Variants in MKI67 observed in about 807,000 individuals in gnomAD.
MKI67 encodes the protein marker of proliferation Ki-67.
Under a neutral mutation model 233.5 loss-of-function variants are expected in MKI67, and 152 were observed. The observed-to-expected ratio is 0.65, with a 90% CI of 0.57 to 0.74. The LOEUF (loss-of-function observed/expected upper bound fraction) is 0.74. Ranked by LOEUF, MKI67 falls within the 30% of genes least tolerant of loss-of-function variation. The pLI, the probability that MKI67 is intolerant of heterozygous loss-of-function variation, is 0.00. For synonymous variants in MKI67, 1,465 were observed against 1,418.5 expected (o/e 1.03, Z -0.74); for missense variants, 3,940 against 3,885.2 (o/e 1.01, Z -0.37).
Position 128,111,652 on chromosome 10 carries a change from A to T in MKI67, c.2253T>A (p.Asp751Glu). 6.2e-7 allele frequency: 1 copy of T among 1,610,576 alleles called. No individual in the cohort carries two copies. Among genetic ancestry groups the T allele is most frequent in the Non-Finnish European group, 8.5e-7 (1 of 1,178,986 alleles). ...ISNQKMDFKEDLSGIAEMFKT... is the reference protein window; with the variant it reads ...ISNQKMDFKEELSGIAEMFKT... ...CTAAGACTACGTTTTTACCTGAAAG[A>T]TCTTCCTTAAAGTCCATTTTTTGGT... The change falls in exon 11 of 15, where the codon GAT becomes GAA. Residue 751 changes from aspartate (D) to glutamate (E), a missense_variant. By Grantham distance (45) the Asp-to-Glu change is conservative. Transcript: ENST00000368654.
Position 128,114,937 on chromosome 10 carries a change from C to G in MKI67, c.1471G>C (p.Asp491His). Reference protein sequence around the residue: ...LSSVDINNFGDSINESEGIPL... With the variant: ...LSSVDINNFGHSINESEGIPL... Reference sequence around the variant, plus strand: ...AATTAAATAAACTTACTAATGGAATCACCAAAGTTGTTGATATCAACTGAA... The same window carrying G: ...AATTAAATAAACTTACTAATGGAATGACCAAAGTTGTTGATATCAACTGAA... Residue 491 changes from aspartate (D) to histidine (H), a missense_variant, in exon 7 of 15, where the codon GAT (aspartate) becomes CAT (histidine). Asp to His is a moderately conservative substitution (Grantham distance 81, BLOSUM62 -1). Coordinates refer to ENST00000368654, the MANE Select transcript of MKI67 (RefSeq NM_002417.5). 1 of 1,551,882 alleles carries G rather than the reference C, an allele frequency of 6.4e-7. No individual in the cohort carries two copies. The highest frequency in any genetic ancestry group is 8.7e-7 in the Non-Finnish European group (1 of 1,149,438).
intron 2 of MKI67, among the ~76,000 whole-genome samples, chr10:128,123,937 T>C (rs1472141561): frequency 6.6e-6 from 1 of 152,252 alleles, no homozygotes; most frequent in East Asian, 1.9e-4. Flanking sequence ...TCTTGGAGTC[T>C]TCAGTGTTCC....
intron 7 of MKI67, among the ~76,000 whole-genome samples, chr10:128,114,448 C>T (rs1168930013): frequency 6.6e-6 from 1 of 152,148 alleles, no homozygotes; most frequent in Non-Finnish European, 1.5e-5. Context: ...GGGTACAGTC[C>T]AGTGTTTACA....
At chr10:128,100,610 T>C (rs1389085541) in intron 14 of MKI67, among the ~76,000 whole-genome samples, 1 of 152,238 alleles carries the variant, frequency 6.6e-6, no homozygotes, top group Non-Finnish European at 1.5e-5. Flanking sequence ...AAACCAAGTA[T>C]TCCCCAGAAG....
At chr10:128,121,796 A>AT (rs151193613) in intron 4 of MKI67, among the ~76,000 whole-genome samples, 2,259 of 150,280 alleles carry the variant, frequency 0.015, 47 homozygotes, top group African/African-American at 0.049. Context: ...TATATTAAAC[A>AT]TTTTTTTTTC....
chr10:128,118,077 T>C (rs1470979019), intron 5 of MKI67, among the ~76,000 whole-genome samples: 1 of 152,138 alleles, frequency 6.6e-6, no homozygotes, highest in African/African-American at 2.4e-5. Context: ...TTAAGGCTGC[T>C]CCTCTAGGGA....
Position 128,108,852 on chromosome 10 carries a change from CTT to C in MKI67, c.2986_2987del (p.Lys996GlufsTer2). ...LQTQDHAKAP[K>X]SEKGKITKMP... ...TTTTAGTGATTTTGCCTTTCTCACT[CTT>C]TGGTGCCTTGGCATGATCTTGGGTT... On this transcript the variant is annotated frameshift_variant, in exon 13 of 15. Transcript: ENST00000368654. LOFTEE classifies it high-confidence loss of function. 2.5e-6 allele frequency: 4 copies of C among 1,614,172 alleles called. No homozygotes were observed. The highest frequency in any genetic ancestry group is 1.3e-5 in the African/African-American group (1 of 75,042).
rs1214136918 is a variant in MKI67 at position 128,101,524 on chromosome 10, C to G, written c.9439G>C (p.Asp3147His). The G allele has an allele frequency of 1.2e-6, 2 of 1,614,202 alleles. No homozygotes were observed. The highest frequency in any genetic ancestry group is 1.7e-6 in the Non-Finnish European group (2 of 1,180,032). ...DDGARKPIPR[D>H]KVTENKRCLR... ...CACCTTTTGTTCTCAGTGACTTTGT[C>G]TCTAGGTATGGGTTTCCGGGCTCCA... The change falls in exon 14 of 15, where the codon GAC becomes CAC. Residue 3147 changes from aspartate (D) to histidine (H), a missense_variant. Coordinates refer to ENST00000368654, the MANE Select transcript of MKI67 (RefSeq NM_002417.5).
chr10:128,110,002 A>G (rs1233910235), intron 12 of MKI67, among the ~76,000 whole-genome samples: 2 of 152,250 alleles, frequency 1.3e-5, no homozygotes, highest in African/African-American at 2.4e-5. Context: ...ATAATTGCAC[A>G]GTATACAAAC....
chr10:128,119,875 A>C (rs1044217463), intron 4 of MKI67, among the ~76,000 whole-genome samples: 9 of 152,224 alleles, frequency 5.9e-5, no homozygotes, highest in Non-Finnish European at 1.3e-4. Context: ...GTACATCTTA[A>C]GAAGATCACC....
Position 128,103,649 on chromosome 10 carries a change from C to T in MKI67, c.8191G>A (p.Val2731Ile). 6.2e-7 allele frequency: 1 copy of T among 1,614,130 alleles called. No homozygotes were observed. Among genetic ancestry groups the T allele is most frequent in the Non-Finnish European group, 8.5e-7 (1 of 1,180,036 alleles). Residue 2731 changes from valine to isoleucine, a missense_variant, in exon 13 of 15, where the codon GTA becomes ATA. Physicochemically the swap from Val to Ile is conservative, Grantham distance 29. Transcript: ENST00000368654. ...KRHLRTRVQK[V>I]QVKEEPSAVK... is the part of the protein sequence containing the mutation. ...GCTGAAGGCTCTTCTTTTACTTGTA[C>T]CTTCTGCACACGTGTCCTGAGATGC...
chr10:128,108,584 T>A lies in MKI67; in HGVS notation c.3256A>T (p.Lys1086Ter), dbSNP rs756974847. The A allele has an allele frequency of 6.2e-7, 1 of 1,614,226 alleles. No individual in the cohort carries two copies. Among genetic ancestry groups the A allele is most frequent in the Non-Finnish European group, 8.5e-7 (1 of 1,180,036 alleles). Residue 1086 changes from lysine (K) to a stop codon, truncating the protein, a stop_gained, in exon 13 of 15, where the codon AAG (lysine) becomes TAG (stop). Coordinates refer to ENST00000368654, the MANE Select transcript of MKI67 (RefSeq NM_002417.5). LOFTEE classifies it high-confidence loss of function. ...LDPAARVTGM[K>*]KWPRTPKEEA... ...TCCTTAGGCGTTCTTGGCCACTTCT[T>A]CATTCCAGTTACACGGGCTGCTGGG...
At position 128,107,564 on chromosome 10, in the gene MKI67, C is replaced by G; in HGVS notation, c.4276G>C (p.Gly1426Arg). 1 of 1,614,088 alleles carries G rather than the reference C, an allele frequency of 6.2e-7. No homozygotes were observed. Among genetic ancestry groups the G allele is most frequent in the Non-Finnish European group, 8.5e-7 (1 of 1,180,020 alleles). The stretch of plus-strand genomic sequence containing the variant: ...AACGCGTTGATGCTTTTATCCTCAC[C>G]TCCTGGTACTTTATCTGTGTGTGTG... ...ETTHTDKVPG[G>R]EDKSINAFRE... The change falls in exon 13 of 15, where the codon GGT becomes CGT. Residue 1426 changes from glycine to arginine, a missense_variant. Coordinates refer to ENST00000368654, the MANE Select transcript of MKI67 (RefSeq NM_002417.5).
chr10:128,121,564 A>C (rs1852947815), intron 4 of MKI67, among the ~76,000 whole-genome samples: 1 of 113,814 alleles, frequency 8.8e-6, no homozygotes, highest in Admixed American at 1.1e-4. Flanking sequence ...ATTATATATA[A>C]TATATTATAA....
intron 5 of MKI67, among the ~76,000 whole-genome samples, chr10:128,118,651 C>T (rs1852858570): frequency 6.6e-6 from 1 of 152,186 alleles, no homozygotes; most frequent in Non-Finnish European, 1.5e-5. Context: ...ACCTCTTCCA[C>T]ACTGATATAC....
chr10:128,100,976 A>G (rs1249901301), intron 14 of MKI67, among the ~76,000 whole-genome samples: 1 of 152,266 alleles, frequency 6.6e-6, no homozygotes, highest in African/African-American at 2.4e-5. Flanking sequence ...GTACATCATA[A>G]GCAGTCAGAA....
At position 128,108,401 on chromosome 10, in the gene MKI67, G is replaced by A. The variant is rs2136137166; in HGVS notation, c.3439C>T (p.Pro1147Ser). Reference sequence around the variant, plus strand: ...TCTGCTTTCCTGAGACTTCTCTTAGGCCATTGCTTTGTGCTTGTTGGAGTG... The same window carrying A: ...TCTGCTTTCCTGAGACTTCTCTTAGACCATTGCTTTGTGCTTGTTGGAGTG... ...VDTPTSTKQW[P>S]KRSLRKADVE... The change falls in exon 13 of 15, where the codon CCT becomes TCT. Residue 1147 changes from proline to serine, a missense_variant. By Grantham distance (74) the Pro-to-Ser change is moderately conservative. Transcript: ENST00000368654. 1 of 1,614,122 alleles carries A rather than the reference G, an allele frequency of 6.2e-7. No individual in the cohort carries two copies. Among genetic ancestry groups the A allele is most frequent in the Non-Finnish European group, 8.5e-7 (1 of 1,180,022 alleles).
chr10:128,105,391 G>C lies in MKI67; in HGVS notation c.6449C>G (p.Pro2150Arg), dbSNP rs1424623224. ...GTTGATGCCTTTATCCTCATCTCCTGGTACTTTGTCTGTGTGTGTGGTCTG... is the reference window on the plus strand; with the variant it reads ...GTTGATGCCTTTATCCTCATCTCCTCGTACTTTGTCTGTGTGTGTGGTCTG... ...LTQTTHTDKV[P>R]GDEDKGINVF... The change falls in exon 13 of 15, where the codon CCA becomes CGA. Residue 2150 changes from proline to arginine, a missense_variant. Pro to Arg is a moderately radical substitution (Grantham distance 103). Coordinates refer to ENST00000368654, the MANE Select transcript of MKI67 (RefSeq NM_002417.5). The C allele has an allele frequency of 3.7e-6, 6 of 1,614,006 alleles. No individual in the cohort carries two copies. Among genetic ancestry groups the C allele is most frequent in the Non-Finnish European group, 5.1e-6 (6 of 1,180,024 alleles).
In MKI67 at chr10:128,116,253, A is replaced by G. The variant is rs78970742; in HGVS notation, c.400+238T>C. On this transcript the variant is annotated intron_variant, in intron 6 of 14. Transcript: ENST00000368654. Reference sequence around the variant, plus strand: ...CATGCTATCTAACTACTGAGAACTGAGTTGACAGCTGAACAGGCAATTTTC... The same window carrying G: ...CATGCTATCTAACTACTGAGAACTGGGTTGACAGCTGAACAGGCAATTTTC... 3.4e-3 allele frequency among the ~76,000 whole-genome samples: 525 copies of G among 152,354 alleles called. 26 individuals carry two copies. In the East Asian group the frequency reaches 0.082, roughly 24 times the overall value.
Sources: allele counts gnomAD v4.1 joint callset (sites outside exome capture counted in the v4.1 genomes callset), GRCh38; gene constraint gnomAD v4.1.1; transcripts MANE v1.5; gene names NCBI Gene and HGNC (gene_info 2026-07-23, HGNC 2026-07-21).